Variants in TMEM232 observed in about 807,000 individuals in gnomAD.
The protein encoded by TMEM232 is transmembrane protein 232.
TMEM232 carries 80 observed loss-of-function variants against 78.8 expected under a neutral mutation model. That is an observed-to-expected ratio of 1.01 (90% CI 0.85 to 1.22). The LOEUF (loss-of-function observed/expected upper bound fraction) is 1.22. TMEM232 is among the 50% of genes most tolerant of loss of function. The pLI is 0.00. For missense variants in TMEM232, 881 were observed against 742.2 expected, an observed-to-expected ratio of 1.19 and a Z score of -2.17; for synonymous variants, 297 against 254.3, an observed-to-expected ratio of 1.17 and a Z score of -1.60.
At chr5:110,513,615 G>T (rs1162169515) in intron 12 of TMEM232, among the ~76,000 whole-genome samples, 1 of 151,918 alleles carries the variant, frequency 6.6e-6, no homozygotes, top group Non-Finnish European at 1.5e-5. Flanking sequence ...AATCATCAGG[G>T]AAATGCAAAT....
chr5:110,549,813 T>C (rs922234052), intron 11 of TMEM232, among the ~76,000 whole-genome samples: 2 of 151,990 alleles, frequency 1.3e-5, no homozygotes, highest in African/African-American at 4.8e-5. Context: ...AAAGAAAACA[T>C]ACCAATACAA....
rs550606468 is a variant in TMEM232, at chr5:110,543,511, T to A, written c.1456-14676A>T. On this transcript the variant is annotated intron_variant, in intron 11 of 13. Coordinates refer to ENST00000455884, the MANE Select transcript of TMEM232 (RefSeq NM_001039763.4). ...CAAGTGTGTCTCTACCACTTGCCAGTCATCAATGTAAACTTGAAAAATTTT... is the reference window on the plus strand; with the variant it reads ...CAAGTGTGTCTCTACCACTTGCCAGACATCAATGTAAACTTGAAAAATTTT... 2.0e-5 allele frequency among the ~76,000 whole-genome samples: 3 copies of A among 152,326 alleles called. No homozygotes were observed. The South Asian group carries it at 6.2e-4, about 32-fold the overall frequency.
chr5:110,492,652 C>A (rs1765238835), intron 12 of TMEM232, among the ~76,000 whole-genome samples: 1 of 151,660 alleles, frequency 6.6e-6, no homozygotes, highest in African/African-American at 2.4e-5. Flanking sequence ...AATATAGTAC[C>A]CAAATATGTG....
intron 2 of TMEM232, among the ~76,000 whole-genome samples, chr5:110,656,274 G>T (rs980889650): frequency 2.6e-5 from 4 of 152,246 alleles, no homozygotes; most frequent in Middle Eastern, 6.8e-3. Context: ...GTTGATCATA[G>T]TGTACATGCA....
At chr5:110,695,249 A>G (rs1441626183) in intron 1 of TMEM232, among the ~76,000 whole-genome samples, 2 of 152,176 alleles carry the variant, frequency 1.3e-5, no homozygotes, top group Non-Finnish European at 2.9e-5. Context: ...GTTCTTCGAA[A>G]CCAATGAGAA....
At chr5:110,533,174 C>T (rs955457074) in intron 11 of TMEM232, among the ~76,000 whole-genome samples, 2 of 152,176 alleles carry the variant, frequency 1.3e-5, no homozygotes, top group Non-Finnish European at 1.5e-5. Context: ...ATCCATCAGT[C>T]CCAGCAGATT....
At chr5:110,694,270 C>T (rs1213525162) in intron 1 of TMEM232, among the ~76,000 whole-genome samples, 2 of 152,096 alleles carry the variant, frequency 1.3e-5, no homozygotes. Context: ...ATTCTGTCAC[C>T]ACCAGGCCTG....
At chr5:110,690,552 G>A (rs887827540) in intron 1 of TMEM232, among the ~76,000 whole-genome samples, 1 of 152,146 alleles carries the variant, frequency 6.6e-6, no homozygotes, top group African/African-American at 2.4e-5. Context: ...CAACGATTGT[G>A]GAAGACAGTG....
At chr5:110,619,072 T>C (rs1481355926) in intron 7 of TMEM232, among the ~76,000 whole-genome samples, 1 of 152,194 alleles carries the variant, frequency 6.6e-6, no homozygotes, top group Non-Finnish European at 1.5e-5. Flanking sequence ...TGTTGTTTAG[T>C]TTTTCCTTAG....
chr5:110,670,351 G>C (rs181234957), intron 1 of TMEM232, among the ~76,000 whole-genome samples: 18 of 152,274 alleles, frequency 1.2e-4, no homozygotes, highest in African/African-American at 4.3e-4. Flanking sequence ...GACAAACAGA[G>C]AGCCAAATCA....
chr5:110,453,301 TTA>T (rs1273272008), intron 12 of TMEM232, among the ~76,000 whole-genome samples: 1 of 151,990 alleles, frequency 6.6e-6, no homozygotes, highest in Non-Finnish European at 1.5e-5. Context: ...TTTTTAAATT[TTA>T]TTTTATTTTA....
intron 12 of TMEM232, among the ~76,000 whole-genome samples, chr5:110,447,461 T>C (rs1385607686): frequency 6.6e-6 from 1 of 152,130 alleles, no homozygotes; most frequent in East Asian, 1.9e-4. Context: ...GTAAATCTTA[T>C]CTGTTGACAA....
intron 1 of TMEM232, among the ~76,000 whole-genome samples, chr5:110,737,272 AATT>A (rs199633229): frequency 1.5e-4 from 22 of 150,334 alleles, no homozygotes; most frequent in Admixed American, 1.4e-3. Context: ...TTAAATAATA[AATT>A]ATTAATCAAT....
intron 4 of TMEM232, 52 bp downstream of exon 4, chr5:110,640,839 C>A: frequency 7.7e-7 from 1 of 1,298,794 alleles, no homozygotes; most frequent in Non-Finnish European, 1.0e-6. Flanking sequence ...TATGCCTTCA[C>A]TGATGATATA....
At chr5:110,695,441 A>G (rs1243583626) in intron 1 of TMEM232, among the ~76,000 whole-genome samples, 4 of 152,260 alleles carry the variant, frequency 2.6e-5, no homozygotes, top group Non-Finnish European at 5.9e-5. Flanking sequence ...AAGGCAAGCA[A>G]TAACTAAAAT....
chr5:110,420,706 G>T lies in TMEM232; in HGVS notation c.1848C>A (p.Ala616=). ...IREKEDAICK[A]QELKDKKLAE... Reference sequence around the variant, plus strand: ...CTAACTTTTTATCTTTAAGTTCTTGGGCCTTGCATATTGCATCTTCTTTTT... The same window carrying T: ...CTAACTTTTTATCTTTAAGTTCTTGTGCCTTGCATATTGCATCTTCTTTTT... The change falls in exon 14 of 14, where the codon GCC becomes GCA. Residue 616 remains alanine (A), a synonymous_variant. Coordinates refer to ENST00000455884, the MANE Select transcript of TMEM232 (RefSeq NM_001039763.4). 6.6e-7 allele frequency: 1 copy of T among 1,524,154 alleles called. No individual in the cohort carries two copies. The highest frequency in any genetic ancestry group is 1.2e-5 in the South Asian group (1 of 81,260). The allele number at this position is 1,524,154 out of a possible 1,614,324, so 94.4% of individuals were successfully genotyped here.
At chr5:110,438,373 T>C (rs1475912676) in intron 12 of TMEM232, among the ~76,000 whole-genome samples, 1 of 151,780 alleles carries the variant, frequency 6.6e-6, no homozygotes, top group Non-Finnish European at 1.5e-5. Flanking sequence ...AACTTGGCTC[T>C]GCCTCTCCAG....
intron 11 of TMEM232, among the ~76,000 whole-genome samples, chr5:110,554,112 T>C (rs1370542579): frequency 1.3e-5 from 2 of 152,176 alleles, no homozygotes; most frequent in Non-Finnish European, 2.9e-5. Context: ...GGATACAAAG[T>C]ATTGATCCTG....
At chr5:110,693,268 A>G (rs1430392261) in intron 1 of TMEM232, among the ~76,000 whole-genome samples, 1 of 152,214 alleles carries the variant, frequency 6.6e-6, no homozygotes, top group African/African-American at 2.4e-5. Context: ...GAAAACTAAC[A>G]AACAGAAAGG....
Sources: allele counts gnomAD v4.1 joint callset (sites outside exome capture counted in the v4.1 genomes callset), GRCh38; gene constraint gnomAD v4.1.1; transcripts MANE v1.5; gene names NCBI Gene and HGNC (gene_info 2026-07-23, HGNC 2026-07-21).